Variants in ABCC8 observed in about 807,000 individuals in gnomAD.
The protein encoded by ABCC8 is ATP-binding cassette sub-family C member 8.
A neutral mutation model predicts 188.0 loss-of-function variants in ABCC8; 137 were observed. The observed-to-expected ratio is 0.73, with a 90% CI of 0.63 to 0.84. The LOEUF is 0.84. Among genes scored for constraint, ABCC8 ranks in the 40% least tolerant of loss-of-function variants. The probability of loss-of-function intolerance (pLI) is 0.00; values close to 1 mark genes in which losing one functional copy is unlikely to be tolerated. For missense variants in ABCC8, 1,750 were observed against 2,072.7 expected, an observed-to-expected ratio of 0.84 and a Z score of 3.02; for synonymous variants, 797 against 846.5, an observed-to-expected ratio of 0.94 and a Z score of 1.01.
chr11:17,460,456 G>C (rs749555530), intron 6 of ABCC8, 32 bp downstream of exon 6: 11 of 1,613,678 alleles, frequency 6.8e-6, no homozygotes, highest in Admixed American at 5.0e-5. Context: ...ACCATCTAGA[G>C]GGTGCCTTAC....
intron 17 of ABCC8, 119 bp downstream of exon 17, chr11:17,416,811 A>G (rs1955098230): frequency 6.8e-7 from 1 of 1,461,622 alleles, no homozygotes; most frequent in Admixed American, 1.8e-5. Context: ...GTCTCTGAAA[A>G]TATGTAGGCT....
rs772622250 is a variant in ABCC8, at chr11:17,430,954, G to A, written c.1677C>T (p.Phe559=). 5 of 1,614,084 alleles carry A rather than the reference G, an allele frequency of 3.1e-6. No homozygotes were observed. Among genetic ancestry groups the A allele is most frequent in the Non-Finnish European group, 3.4e-6 (4 of 1,179,962 alleles). Residue 559 remains phenylalanine (F), a synonymous_variant, in exon 12 of 39, where the codon TTC becomes TTT. Transcript: ENST00000389817. ...AIPIAAVLIT[F]VGHVSFFKEA... ...CTTTGAAGAAGCTGACGTGGCCCAC[G>A]AAAGTCTGTGGACAGAGGCACAAGT...
intron 10 of ABCC8, among the ~76,000 whole-genome samples, chr11:17,433,069 C>A (rs1370840168): frequency 6.6e-6 from 1 of 152,162 alleles, no homozygotes; most frequent in Admixed American, 6.5e-5. Flanking sequence ...CAGGTGCTGC[C>A]TACACATCAT....
chr11:17,396,564 T>A, intron 33 of ABCC8: 1 of 347,326 alleles, frequency 2.9e-6, no homozygotes, highest in Non-Finnish European at 5.4e-6. Context: ...CCTCGCTGTC[T>A]GCCCCCAGGT....
chr11:17,426,721 A>G (rs990835014), intron 16 of ABCC8, among the ~76,000 whole-genome samples: 2 of 152,230 alleles, frequency 1.3e-5, no homozygotes, highest in African/African-American at 4.8e-5. Context: ...CTGAGTTTCA[A>G]TTCCAGCTCT....
intron 7 of ABCC8, among the ~76,000 whole-genome samples, chr11:17,452,730 C>T (rs2057662): frequency 0.018 from 2,698 of 152,240 alleles, 94 homozygotes; most frequent in African/African-American, 0.063. Context: ...TTTTTCACAC[C>T]CAAAGAAGAC....
At chr11:17,422,169 C>A (rs1284937910) in intron 16 of ABCC8, among the ~76,000 whole-genome samples, 1 of 152,224 alleles carries the variant, frequency 6.6e-6, no homozygotes, top group Non-Finnish European at 1.5e-5. Flanking sequence ...CCACACTTAA[C>A]TCAATGCCCA....
intron 10 of ABCC8, among the ~76,000 whole-genome samples, chr11:17,439,697 G>C (rs1331366749): frequency 6.6e-6 from 1 of 152,102 alleles, no homozygotes; most frequent in African/African-American, 2.4e-5. Context: ...CTCTCCCCAG[G>C]GGCTCTCCCC....
intron 7 of ABCC8, 99 bp downstream of exon 7, chr11:17,453,020 A>G: frequency 8.7e-7 from 1 of 1,143,026 alleles, no homozygotes; most frequent in South Asian, 1.2e-5. Flanking sequence ...AATTTACAGC[A>G]GAATTATTCT....
chr11:17,394,453 T>C, intron 36 of ABCC8, 54 bp from the exon 37 acceptor site: 5 of 1,613,000 alleles, frequency 3.1e-6, no homozygotes, highest in South Asian at 2.2e-5. Context: ...GTGCTGTGAG[T>C]GGAGCAGATG....
chr11:17,461,600 C>T lies in ABCC8; in HGVS notation c.805G>A (p.Ala269Thr). The change falls in exon 5 of 39, where the codon GCC becomes ACC. Residue 269 changes from alanine to threonine, a missense_variant. Ala to Thr is a moderately conservative substitution (Grantham distance 58). Transcript: ENST00000389817. ...CCACTGACCACCTGGGCGTCAAAGG[C>T]CTCGCAGAGCCGTTGGTAGTTGGTG... ...ALTNYQRLCE[A>T]FDAQVRKDIQ... is the part of the protein sequence containing the mutation. 1.2e-6 allele frequency: 2 copies of T among 1,614,236 alleles called. No individual in the cohort carries two copies. Among genetic ancestry groups the T allele is most frequent in the Non-Finnish European group, 1.7e-6 (2 of 1,180,044 alleles).
chr11:17,409,132 T>G (rs1954686347), intron 22 of ABCC8, among the ~76,000 whole-genome samples: 1 of 151,722 alleles, frequency 6.6e-6, no homozygotes, highest in Non-Finnish European at 1.5e-5. Flanking sequence ...TTTTTTTTTT[T>G]TTTTATAGAG....
In ABCC8 at chr11:17,437,778, C is replaced by A. The variant is rs768165647; in HGVS notation, c.1630+4942G>T. ...GCATAAGCAGCCCACTGTGGCTGCA[C>A]CAACTGGCAGAAGGGCAGGTAGATA... On this transcript the variant is annotated intron_variant, in intron 10 of 38. Coordinates refer to ENST00000389817, the MANE Select transcript of ABCC8 (RefSeq NM_000352.6). 2.0e-5 allele frequency among the ~76,000 whole-genome samples: 3 copies of A among 152,296 alleles called. No homozygotes were observed. The East Asian group carries it at 5.8e-4, about 29-fold the overall frequency.
chr11:17,430,400 C>T, intron 12 of ABCC8: 1 of 335,482 alleles, frequency 3.0e-6, no homozygotes, highest in Non-Finnish European at 5.8e-6. Context: ...GATACTTGGC[C>T]TGGGAAAGAT....
In ABCC8 at chr11:17,443,280, T is replaced by C. The variant is rs760226319; in HGVS notation, c.1365A>G (p.Ile455Met). ...IIVGVILLYYILGVSALIGAA... is the reference protein window; with the variant it reads ...IIVGVILLYYMLGVSALIGAA... ...CTCCAATTAAGGCACTGACTCCGAGTATGTAGTAGAGGAGAATCACACCCA... is the reference window on the plus strand; with the variant it reads ...CTCCAATTAAGGCACTGACTCCGAGCATGTAGTAGAGGAGAATCACACCCA... Residue 455 changes from isoleucine to methionine, a missense_variant, in exon 9 of 39, where the codon ATA (isoleucine) becomes ATG (methionine). Physicochemically the swap from Ile to Met is conservative, Grantham distance 10 (BLOSUM62 1). Coordinates refer to ENST00000389817, the MANE Select transcript of ABCC8 (RefSeq NM_000352.6). 1 of 1,613,772 alleles carries C rather than the reference T, an allele frequency of 6.2e-7. No homozygotes were observed. Among genetic ancestry groups the C allele is most frequent in the Non-Finnish European group, 8.5e-7 (1 of 1,179,946 alleles).
chr11:17,447,362 T>C (rs1564953878), intron 8 of ABCC8, among the ~76,000 whole-genome samples: 1 of 152,218 alleles, frequency 6.6e-6, no homozygotes, highest in Non-Finnish European at 1.5e-5. Context: ...TGGGGGGTAA[T>C]GTACCTCTTC....
At chr11:17,435,711 A>T in intron 10 of ABCC8, 1 of 1,374,330 alleles carries the variant, frequency 7.3e-7, no homozygotes, top group Non-Finnish European at 1.0e-6. Flanking sequence ...GTACAGTAAG[A>T]ACCGGGACAA....
intron 38 of ABCC8, 114 bp downstream of exon 38, chr11:17,393,583 T>A: frequency 6.6e-7 from 1 of 1,517,276 alleles, no homozygotes; most frequent in Non-Finnish European, 9.1e-7. Flanking sequence ...TGCTTCAGGG[T>A]TCTTTCTTGA....
chr11:17,473,753 C>G (rs895697688), intron 2 of ABCC8, among the ~76,000 whole-genome samples: 1 of 152,204 alleles, frequency 6.6e-6, no homozygotes, highest in African/African-American at 2.4e-5. Flanking sequence ...AGTCCTGCTT[C>G]TATTATACCT....
Sources: gnomAD v4.1 joint callset for allele counts (sites outside exome capture counted in the v4.1 genomes callset) on GRCh38, gnomAD v4.1.1 for gene constraint, MANE v1.5 for transcripts, NCBI Gene and HGNC (gene_info 2026-07-23, HGNC 2026-07-21) for gene names.